The following CDH13 variants were observed in gnomAD, a reference collection of about 807,000 sequenced individuals.
The protein encoded by CDH13 is cadherin-13.
Under a neutral mutation model 63.8 loss-of-function variants are expected in CDH13, and 24 were observed. The observed-to-expected ratio is 0.38, with a 90% CI of 0.27 to 0.53. The LOEUF (loss-of-function observed/expected upper bound fraction) is 0.53, where lower values mean the gene tolerates loss of function less well. CDH13 is among the 20% of genes least tolerant of loss of function. CDH13 has a pLI of 0.85. For missense variants in CDH13, 1,049 were observed against 903.1 expected (o/e 1.16, Z -2.07); for synonymous variants, 503 against 355.3 (o/e 1.42, Z -4.67).
intron 2 of CDH13, among the ~76,000 whole-genome samples, chr16:82,955,538 G>T (rs1043147347): frequency 1.3e-5 from 2 of 152,206 alleles, no homozygotes; most frequent in African/African-American, 4.8e-5. Context: ...CAGTTTCTAA[G>T]TAGCCAGATT....
At chr16:82,746,128 T>C (rs2034154126) in intron 1 of CDH13, among the ~76,000 whole-genome samples, 2 of 151,788 alleles carry the variant, frequency 1.3e-5, no homozygotes, top group Non-Finnish European at 2.9e-5. Flanking sequence ...TTTATATACA[T>C]ATAAGCACAC....
intron 5 of CDH13, among the ~76,000 whole-genome samples, chr16:83,253,727 A>G (rs1249082801): frequency 4.6e-5 from 7 of 152,224 alleles, no homozygotes; most frequent in Non-Finnish European, 7.3e-5. Flanking sequence ...AGGGGCTGGC[A>G]CTGTTCTCAG....
chr16:83,052,636 C>T (rs2030467656), intron 3 of CDH13, among the ~76,000 whole-genome samples: 1 of 151,820 alleles, frequency 6.6e-6, no homozygotes, highest in South Asian at 2.1e-4. Flanking sequence ...AAAAATTAGC[C>T]AGGCATGGTG....
At chr16:83,577,960 A>G (rs60380574) in intron 7 of CDH13, among the ~76,000 whole-genome samples, 2,657 of 152,282 alleles carry the variant, frequency 0.017, 70 homozygotes, top group African/African-American at 0.06. Flanking sequence ...TTCCACAAAA[A>G]TGAGAGTTCA....
chr16:83,134,544 GGAGAGAGAGAGAGA>G (rs67135267), intron 4 of CDH13, among the ~76,000 whole-genome samples: 1,781 of 84,348 alleles, frequency 0.021, 35 homozygotes, highest in Middle Eastern at 0.037. Context: ...TGGGGTGGGG[GGAGAGAGAGAGAGA>G]GAGAGAGAGA....
intron 1 of CDH13, among the ~76,000 whole-genome samples, chr16:82,632,042 C>A (rs1273049995): frequency 6.6e-6 from 1 of 152,114 alleles, no homozygotes; most frequent in East Asian, 1.9e-4. Context: ...AAAAAGAAAT[C>A]CAGGTTTCTA....
chr16:83,238,349 AACTGCCCTTTAT>A (rs2151811669), intron 5 of CDH13, among the ~76,000 whole-genome samples: 1 of 152,278 alleles, frequency 6.6e-6, no homozygotes, highest in East Asian at 1.9e-4. Context: ...TGTGCAGGGG[AACTGCCCTTTAT>A]AAAACCATCA....
chr16:82,708,776 C>T (rs1316386474), intron 1 of CDH13, among the ~76,000 whole-genome samples: 5 of 152,178 alleles, frequency 3.3e-5, no homozygotes, highest in Non-Finnish European at 5.9e-5. Flanking sequence ...TGTCAGTTTT[C>T]TGAGACACCC....
At chr16:83,723,546 C>T (rs992367707) in intron 10 of CDH13, among the ~76,000 whole-genome samples, 2 of 152,208 alleles carry the variant, frequency 1.3e-5, no homozygotes, top group African/African-American at 2.4e-5. Context: ...TCACTATCAT[C>T]TCCTTTGCAA....
At chr16:83,599,280 C>G (rs1169588715) in intron 7 of CDH13, among the ~76,000 whole-genome samples, 1 of 152,206 alleles carries the variant, frequency 6.6e-6, no homozygotes, top group Non-Finnish European at 1.5e-5. Context: ...ATGCCACCAT[C>G]ATAGAGTCAC....
chr16:83,529,102 T>TC (rs1439197483), intron 7 of CDH13, among the ~76,000 whole-genome samples: 1 of 151,778 alleles, frequency 6.6e-6, no homozygotes. Context: ...TTTTTTTTTT[T>TC]TTTTTCTTTT....
chr16:83,275,296 A>G (rs1042826836), intron 5 of CDH13, among the ~76,000 whole-genome samples: 2 of 152,272 alleles, frequency 1.3e-5, no homozygotes, highest in East Asian at 3.9e-4. Flanking sequence ...TGATTAGATG[A>G]CACTTGAGAA....
chr16:82,936,308 C>A (rs2042666527), intron 2 of CDH13, among the ~76,000 whole-genome samples: 1 of 152,152 alleles, frequency 6.6e-6, no homozygotes, highest in Non-Finnish European at 1.5e-5. Flanking sequence ...CATGCCCTTA[C>A]CATCTGCCTG....
At chr16:83,216,690 G>A (rs2039543529) in intron 4 of CDH13, among the ~76,000 whole-genome samples, 1 of 145,286 alleles carries the variant, frequency 6.9e-6, no homozygotes, top group Non-Finnish European at 1.5e-5. Flanking sequence ...CCCCTAAATT[G>A]AGGTATCTAT....
At chr16:82,643,111 G>A (rs1182385686) in intron 1 of CDH13, among the ~76,000 whole-genome samples, 1 of 152,224 alleles carries the variant, frequency 6.6e-6, no homozygotes, top group Admixed American at 6.5e-5. Context: ...AGATGTAAAT[G>A]CTCTGGAGCT....
intron 2 of CDH13, among the ~76,000 whole-genome samples, chr16:83,030,122 GGCCCAT>G (rs1057363822): frequency 3.3e-5 from 5 of 152,056 alleles, no homozygotes; most frequent in African/African-American, 9.7e-5. Context: ...TCATGCAGGG[GGCCCAT>G]CTTCCCTATT....
intron 5 of CDH13, among the ~76,000 whole-genome samples, chr16:83,344,156 A>G (rs1352865016): frequency 1.3e-5 from 2 of 152,234 alleles, no homozygotes; most frequent in African/African-American, 4.8e-5. Context: ...ACGCACAGAA[A>G]ATGTGCGCAT....
intron 6 of CDH13, among the ~76,000 whole-genome samples, chr16:83,429,166 A>G (rs1377847166): frequency 6.6e-6 from 1 of 152,162 alleles, no homozygotes; most frequent in African/African-American, 2.4e-5. Flanking sequence ...TTTCTATAAG[A>G]CTGGATCTGA....
intron 6 of CDH13, among the ~76,000 whole-genome samples, chr16:83,357,216 C>A (rs1434311173): frequency 6.6e-6 from 1 of 152,186 alleles, no homozygotes; most frequent in African/African-American, 2.4e-5. Flanking sequence ...CTCCTTCCTT[C>A]TCATTTCTGC....
Sources: allele counts gnomAD v4.1 joint callset (sites outside exome capture counted in the v4.1 genomes callset), GRCh38; gene constraint gnomAD v4.1.1; transcripts MANE v1.5; gene names NCBI Gene and HGNC (gene_info 2026-07-23, HGNC 2026-07-21).